Variants in ZNF138 observed in about 807,000 individuals in gnomAD.
The protein encoded by ZNF138 is zinc finger protein 138 (clone pHZ-32).
ZNF138 carries 33 observed loss-of-function variants against 33.0 expected under a neutral mutation model. That is an observed-to-expected ratio of 1.00 (90% CI 0.76 to 1.34). The LOEUF is 1.34. Ranked by LOEUF, ZNF138 falls within the 40% of genes most tolerant of loss-of-function variation. ZNF138 has a pLI of 0.00. For synonymous variants in ZNF138, 139 were observed against 120.4 expected (o/e 1.15, Z -1.01); for missense variants, 360 against 370.8 (o/e 0.97, Z 0.24).
At chr7:64,826,553 T>C (rs1310342166) in intron 3 of ZNF138, among the ~76,000 whole-genome samples, 2 of 152,206 alleles carry the variant, frequency 1.3e-5, no homozygotes, top group East Asian at 3.8e-4. Context: ...AGTGCTGAGA[T>C]TACAGGTGTG....
Position 64,831,462 on chromosome 7 carries a change from CG to C in ZNF138, c.221del (p.Arg74LeufsTer8). On this transcript the variant is annotated frameshift_variant, in exon 4 of 4. Transcript: ENST00000307355. LOFTEE classifies it high-confidence loss of function. ...VVAKHSALCS[R>X]FAQDLWLEQN... ...TTTGTTTCTTTCAGCTCTGTGTTCTCGTTTTGCCCAAGACCTTTGGCTAGAG... is the reference window on the plus strand; with the variant it reads ...TTTGTTTCTTTCAGCTCTGTGTTCTCTTTTGCCCAAGACCTTTGGCTAGAG... 1 of 1,553,340 alleles carries C rather than the reference CG, an allele frequency of 6.4e-7. No homozygotes were observed. Among genetic ancestry groups the C allele is most frequent in the Non-Finnish European group, 8.7e-7 (1 of 1,155,490 alleles).
intron 1 of ZNF138, among the ~76,000 whole-genome samples, chr7:64,812,850 CTT>C (rs34197599): frequency 0.05 from 7,072 of 142,018 alleles, 381 homozygotes; most frequent in East Asian, 0.18. Flanking sequence ...AAAAAATTGC[CTT>C]TTTTTTTTTT....
chr7:64,827,844 T>C (rs2129013569), intron 3 of ZNF138, among the ~76,000 whole-genome samples: 1 of 152,314 alleles, frequency 6.6e-6, no homozygotes, highest in South Asian at 2.1e-4. Context: ...TTTTAGGGTA[T>C]GCCACCTCAC....
chr7:64,814,795 G>C, intron 1 of ZNF138, 123 bp from the exon 2 acceptor site: 1 of 1,253,514 alleles, frequency 8.0e-7, no homozygotes, highest in Non-Finnish European at 1.1e-6. Context: ...AATAATTTCA[G>C]TCACTCCTGT....
At chr7:64,827,316 C>T (rs932143967) in intron 3 of ZNF138, among the ~76,000 whole-genome samples, 2 of 151,320 alleles carry the variant, frequency 1.3e-5, no homozygotes, top group East Asian at 2.0e-4. Context: ...GGCACAATCT[C>T]GGTTCACTGC....
chr7:64,836,769 G>A (rs1039917938), downstream of ZNF138: 5 of 152,214 alleles, frequency 3.3e-5, no homozygotes, highest in African/African-American at 1.2e-4. Context: ...AAAGTGCAGG[G>A]TTTTTTCTAG....
At chr7:64,812,143 A>G (rs1788225465) in intron 1 of ZNF138, among the ~76,000 whole-genome samples, 1 of 148,984 alleles carries the variant, frequency 6.7e-6, no homozygotes, top group Non-Finnish European at 1.5e-5. Flanking sequence ...TTCAAGATAC[A>G]CTCATGAGAG....
chr7:64,808,005 G>A lies in ZNF138; in HGVS notation c.4-6913G>A, dbSNP rs191429310. Among the ~76,000 whole-genome samples, 151 of 152,254 alleles carry A rather than the reference G, an allele frequency of 9.9e-4. 1 individual carries two copies. Among genetic ancestry groups the A allele is most frequent in the African/African-American group, 2.9e-3 (120 of 41,548 alleles). On this transcript the variant is annotated intron_variant, in intron 1 of 3. Coordinates refer to ENST00000307355, the MANE Select transcript of ZNF138 (RefSeq NM_001271639.2). ...CAGGTGATCCAGGTTCTGGAGCTCC[G>A]CTAGGGCAGTTTCATTTTTTATTTA...
chr7:64,828,384 T>C (rs989526666), intron 3 of ZNF138, among the ~76,000 whole-genome samples: 11 of 152,170 alleles, frequency 7.2e-5, no homozygotes, highest in Admixed American at 7.2e-4. Flanking sequence ...AACACTATTT[T>C]GTTTCCTGAT....
rs113067331 is a variant in ZNF138, at chr7:64,802,194, CAGTT to C, written c.3+7624_3+7627del. Among the ~76,000 whole-genome samples the C allele has an allele frequency of 3.2e-3, 484 of 152,052 alleles. 2 individuals are homozygous for C. Among genetic ancestry groups the C allele is most frequent in the African/African-American group, 1.0e-2 (413 of 41,346 alleles). ...GCAAATTTACACATTTTCCGGTTGA[CAGTT>C]GGTTGAGTATATCTGAAGACCTCGG... On this transcript the variant is annotated intron_variant, in intron 1 of 3. Transcript: ENST00000307355.
chr7:64,820,275 A>G (rs1789023262), intron 3 of ZNF138, among the ~76,000 whole-genome samples: 1 of 151,636 alleles, frequency 6.6e-6, no homozygotes, highest in African/African-American at 2.4e-5. Flanking sequence ...AAGATACCTT[A>G]TAAGTGGAAT....
chr7:64,812,623 A>G (rs756999408), intron 1 of ZNF138, among the ~76,000 whole-genome samples: 4 of 152,172 alleles, frequency 2.6e-5, no homozygotes, highest in East Asian at 3.9e-4. Flanking sequence ...TATTATTTCC[A>G]TAGAGCAGCT....
intron 3 of ZNF138, among the ~76,000 whole-genome samples, chr7:64,824,141 G>A (rs1789389920): frequency 6.6e-6 from 1 of 152,076 alleles, no homozygotes; most frequent in Non-Finnish European, 1.5e-5. Context: ...GTTGGAGGTG[G>A]GACCTAGGGA....
chr7:64,830,916 C>T (rs768271136), intron 3 of ZNF138: 1 of 1,545,922 alleles, frequency 6.5e-7, no homozygotes, highest in Non-Finnish European at 8.7e-7. Flanking sequence ...TCACTTGCTA[C>T]AACTGTTCCC....
At chr7:64,809,011 G>A (rs1287850885) in intron 1 of ZNF138, among the ~76,000 whole-genome samples, 17 of 130,766 alleles carry the variant, frequency 1.3e-4, no homozygotes, top group East Asian at 6.8e-4. Context: ...GCAACCATCC[G>A]ATTTCTCAAT....
chr7:64,836,808 T>C (rs1397161231), downstream of ZNF138: 2 of 152,124 alleles, frequency 1.3e-5, no homozygotes, highest in Non-Finnish European at 2.9e-5. Flanking sequence ...ATTTTAGACC[T>C]AGGAAAGCTA....
the ZNF138 span, chr7:64,853,088 G>C: frequency 7.1e-7 from 1 of 1,407,032 alleles, no homozygotes; most frequent in South Asian, 1.2e-5. Flanking sequence ...GTCTACAATT[G>C]GGTAAATGTA....
At chr7:64,821,350 A>C (rs1033728154) in intron 3 of ZNF138, among the ~76,000 whole-genome samples, 1 of 151,236 alleles carries the variant, frequency 6.6e-6, no homozygotes, top group Non-Finnish European at 1.5e-5. Flanking sequence ...CAGCCTCCCA[A>C]AGTGCTGGGA....
At chr7:64,796,144 GC>G (rs1786671199) in intron 1 of ZNF138, among the ~76,000 whole-genome samples, 1 of 152,202 alleles carries the variant, frequency 6.6e-6, no homozygotes, top group South Asian at 2.1e-4. Flanking sequence ...AATAATTTCG[GC>G]CCACTGGATT....
Sources: allele counts gnomAD v4.1 joint callset (sites outside exome capture counted in the v4.1 genomes callset), GRCh38; gene constraint gnomAD v4.1.1; transcripts MANE v1.5; gene names NCBI Gene and HGNC (gene_info 2026-07-23, HGNC 2026-07-21).